Variants in SLC2A3 observed in about 807,000 individuals in gnomAD.
SLC2A3 encodes the protein solute carrier family 2 member 3.
Under a neutral mutation model 46.4 loss-of-function variants are expected in SLC2A3, and 21 were observed. That is an observed-to-expected ratio of 0.45 (90% CI 0.32 to 0.65). The LOEUF is 0.65. Ranked by LOEUF, SLC2A3 falls within the 30% of genes least tolerant of loss-of-function variation. The probability of loss-of-function intolerance (pLI) is 0.04; values close to 1 mark genes in which losing one functional copy is unlikely to be tolerated. For synonymous variants in SLC2A3, 213 were observed against 239.4 expected (o/e 0.89, Z 1.02); for missense variants, 499 against 623.3 (o/e 0.80, Z 2.12).
At chr12:7,925,424 G>A (rs1565602989) in intron 7 of SLC2A3, 1 of 157,776 alleles carries the variant, frequency 6.3e-6, no homozygotes, top group Non-Finnish European at 1.4e-5. Context: ...CAGGTAGACA[G>A]TGTCATAATT....
At chr12:7,930,266 C>T in intron 5 of SLC2A3, 1 of 562,466 alleles carries the variant, frequency 1.8e-6, no homozygotes, top group Non-Finnish European at 3.0e-6. Flanking sequence ...CAGGCATGAG[C>T]CATCACACCC....
rs1011383763 is a variant in SLC2A3 at position 7,930,005 on chromosome 12, GAC to G, written c.674-136_674-135del. 2.8e-6 allele frequency: 4 copies of G among 1,453,324 alleles called. No homozygotes were observed. The African/African-American group carries it at 5.7e-5, about 21-fold the overall frequency. 90.0% of individuals were successfully genotyped at this position (1,453,324 alleles called of 1,614,324 possible). A position where few individuals can be genotyped will look rare whatever the true frequency, so the allele number is the denominator to read the frequency against. On this transcript the variant is annotated intron_variant, in intron 5 of 9. Transcript: ENST00000075120. ...CATCCATTCCTTTTTTTTTTTTTGA[GAC>G]AGAGTTTCACTTTTGTTGCCCAGGC...
chr12:7,932,858 A>C lies in SLC2A3; in HGVS notation c.269+129T>G, dbSNP rs1946171556. On this transcript the variant is annotated intron_variant, in intron 3 of 9. Coordinates refer to ENST00000075120, the MANE Select transcript of SLC2A3 (RefSeq NM_006931.3). ...AGTCATATTCGGGGCCAGTTGGACT[A>C]GGTTTCCCTTGATTAGAATTCAAGG... 5 of 1,368,950 alleles carry C rather than the reference A, an allele frequency of 3.7e-6. No homozygotes were observed. In the South Asian group the frequency reaches 5.5e-5, roughly 15 times the overall value. 84.8% of individuals were successfully genotyped at this position (1,368,950 alleles called of 1,614,324 possible).
intron 6 of SLC2A3, among the ~76,000 whole-genome samples, chr12:7,926,219 G>A (rs11056505): frequency 0.4 from 60,003 of 151,784 alleles, 11,810 homozygotes; most frequent in East Asian, 0.55. Flanking sequence ...AGCCTCCTGA[G>A]TAGCTGGACT....
In SLC2A3 at chr12:7,921,106, AAT is replaced by A. The variant is rs1946032414; in HGVS notation, c.*305_*306del. On this transcript the variant is annotated 3_prime_UTR_variant, in exon 10 of 10. Coordinates refer to ENST00000075120, the MANE Select transcript of SLC2A3 (RefSeq NM_006931.3). Reference sequence around the variant, plus strand: ...CCTCTCCTATATCCCCTAGTGCGGCAATATCAGAACCCAAGGGAGGAAAAGCT... The same window carrying A: ...CCTCTCCTATATCCCCTAGTGCGGCAATCAGAACCCAAGGGAGGAAAAGCT... 1.7e-6 allele frequency: 1 copy of A among 592,264 alleles called. No homozygotes were observed. The highest frequency in any genetic ancestry group is 1.8e-5 in the African/African-American group (1 of 54,136). The allele number at this position is 592,264 out of a possible 1,614,324, so 36.7% of individuals were successfully genotyped here.
chr12:7,929,710 A>G lies in SLC2A3; in HGVS notation c.835T>C (p.Ser279Pro). The G allele has an allele frequency of 6.2e-7, 1 of 1,613,432 alleles. No individual in the cohort carries two copies. The highest frequency in any genetic ancestry group is 8.5e-7 in the Non-Finnish European group (1 of 1,179,592). ...GCATTGATCCCAGAGAGCTGCTGAG[A>G]GAGCTGGAGCACAATGGAAATGATG... ...PIIISIVLQL[S>P]QQLSGINAVF... Residue 279 changes from serine (S) to proline (P), a missense_variant, in exon 6 of 10, where the codon TCT (serine) becomes CCT (proline). Coordinates refer to ENST00000075120, the MANE Select transcript of SLC2A3 (RefSeq NM_006931.3).
intron 6 of SLC2A3, 124 bp downstream of exon 6, chr12:7,929,560 G>T: frequency 7.1e-7 from 1 of 1,406,392 alleles, no homozygotes; most frequent in Non-Finnish European, 9.6e-7. Flanking sequence ...AAACTCCTGA[G>T]CTCAAGTGAT....
rs1946209933 is a variant in SLC2A3 at position 7,936,084 on chromosome 12, A to G, written c.-50T>C. 1 of 1,555,686 alleles carries G rather than the reference A, an allele frequency of 6.4e-7. No homozygotes were observed. The highest frequency in any genetic ancestry group is 1.1e-5 in the South Asian group (1 of 89,878). On this transcript the variant is annotated 5_prime_UTR_variant, in exon 1 of 10. Coordinates refer to ENST00000075120, the MANE Select transcript of SLC2A3 (RefSeq NM_006931.3). ...AAGAAAGATCTAGGGGTGATTCCAG[A>G]AACAGCTTTTTCAGCCAACAAAACC...
intron 7 of SLC2A3, chr12:7,925,504 C>T (rs1946085773): frequency 9.9e-6 from 2 of 201,524 alleles, no homozygotes; most frequent in Non-Finnish European, 2.1e-5. Context: ...GAAAAATTCT[C>T]ACATATTCTG....
In SLC2A3 at chr12:7,936,127, A is replaced by G. The variant is rs1946210235; in HGVS notation, c.-93T>C. 2 of 1,085,258 alleles carry G rather than the reference A, an allele frequency of 1.8e-6. No homozygotes were observed. Among genetic ancestry groups the G allele is most frequent in the Non-Finnish European group, 1.4e-6 (1 of 700,966 alleles). 67.2% of individuals were successfully genotyped at this position (1,085,258 alleles called of 1,614,324 possible). ...ACAAAACCTTCAAAATGTCCTTCTC[A>G]GCAGCAAGTTTTCTCCACGTCCTCA... On this transcript the variant is annotated 5_prime_UTR_variant, in exon 1 of 10. The change abolishes the stop of an existing upstream ORF in the 5' untranslated region. Coordinates refer to ENST00000075120, the MANE Select transcript of SLC2A3 (RefSeq NM_006931.3).
intron 3 of SLC2A3, among the ~76,000 whole-genome samples, chr12:7,932,073 G>T (rs1946161677): frequency 6.6e-6 from 1 of 151,674 alleles, no homozygotes; most frequent in South Asian, 2.1e-4. Context: ...GTAGGGACAG[G>T]GTTTCACCGT....
intron 4 of SLC2A3, 69 bp from the exon 5 acceptor site, chr12:7,930,711 A>G (rs998463066): frequency 6.8e-7 from 1 of 1,470,878 alleles, no homozygotes; most frequent in Non-Finnish European, 9.1e-7. Context: ...TAAAACACAA[A>G]AAGTTCAGAA....
At chr12:7,935,377 G>A (rs758183989) in intron 1 of SLC2A3, among the ~76,000 whole-genome samples, 3 of 152,126 alleles carry the variant, frequency 2.0e-5, no homozygotes, top group East Asian at 2.0e-4. Context: ...GCTTGAACCC[G>A]GGAGGCGGAG....
intron 3 of SLC2A3, among the ~76,000 whole-genome samples, chr12:7,932,127 G>A (rs377124681): frequency 5.3e-5 from 8 of 150,240 alleles, no homozygotes; most frequent in Admixed American, 2.7e-4. Flanking sequence ...TTATCTGCCC[G>A]CCTCAGCCTC....
At chr12:7,933,962 T>C in intron 1 of SLC2A3, 60 bp from the exon 2 acceptor site, 1 of 1,494,340 alleles carries the variant, frequency 6.7e-7, no homozygotes, top group Non-Finnish European at 9.3e-7. Flanking sequence ...GATGACTGTT[T>C]CTTATTAATT....
Position 7,925,920 on chromosome 12 carries a change from T to C in SLC2A3, c.890A>G (p.Lys297Arg). The C allele has an allele frequency of 1.2e-6, 2 of 1,613,736 alleles. No individual in the cohort carries two copies. Among genetic ancestry groups the C allele is most frequent in the Non-Finnish European group, 1.7e-6 (2 of 1,179,742 alleles). Residue 297 changes from lysine to arginine, a missense_variant, in exon 7 of 10, where the codon AAG becomes AGG. Physicochemically the swap from Lys to Arg is conservative, Grantham distance 26. Coordinates refer to ENST00000075120, the MANE Select transcript of SLC2A3 (RefSeq NM_006931.3). ...AVFYYSTGIF[K>R]DAGVQEPIYA... Reference sequence around the variant, plus strand: ...GATGGGCTCTTGAACACCTGCATCCTTGAAGATTCCTGTTGAGTAATAGAA... The same window carrying C: ...GATGGGCTCTTGAACACCTGCATCCCTGAAGATTCCTGTTGAGTAATAGAA...
intron 6 of SLC2A3, among the ~76,000 whole-genome samples, chr12:7,929,097 A>T (rs1416643974): frequency 6.6e-6 from 1 of 152,132 alleles, no homozygotes; most frequent in Non-Finnish European, 1.5e-5. Flanking sequence ...TGCTCAAAAT[A>T]GTAAGTTTTG....
At position 7,922,942 on chromosome 12, in the gene SLC2A3, A is replaced by G; in HGVS notation, c.1151T>C (p.Ile384Thr). The change falls in exon 9 of 10, where the codon ATT (isoleucine) becomes ACT (threonine). Residue 384 changes from isoleucine to threonine, a missense_variant. By Grantham distance (89) the Ile-to-Thr change is moderately conservative (BLOSUM62 -1). Around this residue, in one of 5 missense-constraint regions of SLC2A3, gnomAD observed 179 missense variants for 205.1 expected, o/e 0.87. Transcript: ENST00000075120. Reference protein sequence around the residue: ...VAFFEIGPGPIPWFIVAELFS... With the variant: ...VAFFEIGPGPTPWFIVAELFS... ...GAGTTCGGCCACAATAAACCAGGGA[A>G]TGGGGCCTGGTCCAATTTCAAAGAA... 6 of 1,614,122 alleles carry G rather than the reference A, an allele frequency of 3.7e-6. No individual in the cohort carries two copies. The highest frequency in any genetic ancestry group is 1.1e-5 in the South Asian group (1 of 91,072).
Position 7,919,412 on chromosome 12 carries a change from T to G in SLC2A3, c.*2001A>C, listed in dbSNP as rs12842. The G allele has an allele frequency of 2.6e-5, 4 of 152,008 alleles. No homozygotes were observed. The South Asian group carries it at 8.3e-4, about 32-fold the overall frequency. 9.4% of individuals were successfully genotyped at this position (152,008 alleles called of 1,614,324 possible). A position where few individuals can be genotyped will look rare whatever the true frequency, so the allele number is the denominator to read the frequency against. On this transcript the variant is annotated 3_prime_UTR_variant, in exon 10 of 10. Transcript: ENST00000075120. ...TCACCTTTTCAAGCTAAAGCACACT[T>G]GATAGCTATGTGCATTTTTTTTTTT... is the stretch of plus-strand genomic sequence containing the variant.
Sources: allele counts gnomAD v4.1 joint callset (sites outside exome capture counted in the v4.1 genomes callset), GRCh38; gene constraint gnomAD v4.1.1; regional missense constraint gnomAD v4.1.1; transcripts MANE v1.5; gene names NCBI Gene and HGNC (gene_info 2026-07-23, HGNC 2026-07-21).